SIAH3: variants seen among roughly 807,000 people sequenced by gnomAD.
SIAH3 encodes siah E3 ubiquitin protein ligase family member 3.
SIAH3 carries 9 observed loss-of-function variants against 12.6 expected under a neutral mutation model. The observed-to-expected ratio is 0.72, with a 90% CI of 0.43 to 1.25. SIAH3 has a LOEUF of 1.25. Ranked by LOEUF, SIAH3 falls within the 50% of genes most tolerant of loss-of-function variation. SIAH3 has a pLI of 0.00. For missense variants in SIAH3, 390 were observed against 365.4 expected, an observed-to-expected ratio of 1.07 and a Z score of -0.55; for synonymous variants, 154 against 151.1, an observed-to-expected ratio of 1.02 and a Z score of -0.14.
intron 1 of SIAH3, among the ~76,000 whole-genome samples, chr13:45,790,546 G>C (rs1950542719): frequency 6.6e-6 from 1 of 152,196 alleles, no homozygotes; most frequent in African/African-American, 2.4e-5. Context: ...AGCGTTAGCT[G>C]ATTTATCCAT....
At chr13:45,804,760 A>T (rs550937776) in intron 1 of SIAH3, among the ~76,000 whole-genome samples, 1 of 152,246 alleles carries the variant, frequency 6.6e-6, no homozygotes, top group African/African-American at 2.4e-5. Flanking sequence ...CCAAACAGGA[A>T]AATAAGTAGT....
chr13:45,797,484 T>C (rs894947577), intron 1 of SIAH3, among the ~76,000 whole-genome samples: 1 of 152,202 alleles, frequency 6.6e-6, no homozygotes, highest in African/African-American at 2.4e-5. Flanking sequence ...CACTTGATTT[T>C]CTGTCCTGCC....
At chr13:45,842,990 CAG>C (rs1950745507) in intron 1 of SIAH3, among the ~76,000 whole-genome samples, 2 of 145,858 alleles carry the variant, frequency 1.4e-5, no homozygotes, top group African/African-American at 4.9e-5. Context: ...AGGGCCCACA[CAG>C]GGGAGCATCT....
At chr13:45,787,925 C>T (rs948526719) in intron 1 of SIAH3, among the ~76,000 whole-genome samples, 8 of 152,220 alleles carry the variant, frequency 5.3e-5, no homozygotes, top group African/African-American at 9.6e-5. Context: ...ACCCCAGCAA[C>T]GGTCATTTCC....
intron 1 of SIAH3, among the ~76,000 whole-genome samples, chr13:45,812,788 G>T (rs1027638383): frequency 6.6e-6 from 1 of 152,188 alleles, no homozygotes; most frequent in Admixed American, 6.5e-5. Flanking sequence ...GAATTTCCTA[G>T]GATTTTTTGT....
At chr13:45,825,471 G>A (rs1950671082) in intron 1 of SIAH3, among the ~76,000 whole-genome samples, 1 of 152,216 alleles carries the variant, frequency 6.6e-6, no homozygotes. Flanking sequence ...CAAGCCAGGA[G>A]CGCAGCCCCC....
chr13:45,808,033 A>G (rs1174616843), intron 1 of SIAH3, among the ~76,000 whole-genome samples: 2 of 152,182 alleles, frequency 1.3e-5, no homozygotes, highest in Non-Finnish European at 2.9e-5. Context: ...ATCTGTATCT[A>G]TATGGTAGAA....
chr13:45,803,492 G>A (rs1435189717), intron 1 of SIAH3, among the ~76,000 whole-genome samples: 3 of 152,188 alleles, frequency 2.0e-5, no homozygotes, highest in South Asian at 2.1e-4. Flanking sequence ...AGAAAACTCT[G>A]GCCAAGGAAG....
intron 1 of SIAH3, among the ~76,000 whole-genome samples, chr13:45,793,889 T>C (rs1402493250): frequency 1.3e-5 from 2 of 152,216 alleles, no homozygotes; most frequent in African/African-American, 4.8e-5. Flanking sequence ...TTCTGTATTG[T>C]CCAGCTGGGC....
intron 1 of SIAH3, among the ~76,000 whole-genome samples, chr13:45,815,989 C>T (rs540570581): frequency 1.3e-5 from 2 of 152,346 alleles, no homozygotes; most frequent in African/African-American, 4.8e-5. Context: ...ATTTAATGCT[C>T]ATAGCTAAGC....
At chr13:45,818,403 A>G (rs571171576) in intron 1 of SIAH3, among the ~76,000 whole-genome samples, 1 of 152,358 alleles carries the variant, frequency 6.6e-6, no homozygotes, top group Admixed American at 6.5e-5. Flanking sequence ...TAAAGAGATC[A>G]TTGTTTTTCC....
intron 1 of SIAH3, among the ~76,000 whole-genome samples, chr13:45,827,696 C>T (rs1950683760): frequency 6.6e-6 from 1 of 152,212 alleles, no homozygotes; most frequent in Non-Finnish European, 1.5e-5. Context: ...CAATTCCTGG[C>T]TACATCAGGC....
intron 1 of SIAH3, among the ~76,000 whole-genome samples, chr13:45,790,102 C>T (rs1323913870): frequency 6.6e-6 from 1 of 152,098 alleles, no homozygotes; most frequent in Non-Finnish European, 1.5e-5. Context: ...GCTCTGATGC[C>T]ACTTCTTAAC....
intron 1 of SIAH3, among the ~76,000 whole-genome samples, chr13:45,805,011 A>ACACACACACACAC (rs1555257638): frequency 8.4e-6 from 1 of 118,652 alleles, no homozygotes; most frequent in South Asian, 3.0e-4. Flanking sequence ...CACACACACA[A>ACACACACACACAC]AATACTTTGG....
chr13:45,801,032 T>C (rs1019215586), intron 1 of SIAH3, among the ~76,000 whole-genome samples: 8 of 138,166 alleles, frequency 5.8e-5, no homozygotes, highest in African/African-American at 2.1e-4. Context: ...TCTACTAGGA[T>C]CCATCAGCAT....
intron 1 of SIAH3, among the ~76,000 whole-genome samples, chr13:45,828,481 C>A (rs1404131574): frequency 1.3e-5 from 2 of 152,188 alleles, no homozygotes; most frequent in African/African-American, 4.8e-5. Context: ...TTTGAAGTTG[C>A]ATTTTGGGAA....
chr13:45,807,736 G>A (rs2137561961), intron 1 of SIAH3, among the ~76,000 whole-genome samples: 1 of 152,272 alleles, frequency 6.6e-6, no homozygotes, highest in Middle Eastern at 3.4e-3. Flanking sequence ...GTGTCAATAT[G>A]GATGGATGAC....
chr13:45,838,885 G>A (rs1254188118), intron 1 of SIAH3, among the ~76,000 whole-genome samples: 2 of 151,842 alleles, frequency 1.3e-5, no homozygotes, highest in East Asian at 1.9e-4. Context: ...GCATCATCCC[G>A]CTTTCCTTCC....
chr13:45,795,660 T>C (rs1355560065), intron 1 of SIAH3, among the ~76,000 whole-genome samples: 1 of 152,200 alleles, frequency 6.6e-6, no homozygotes, highest in Non-Finnish European at 1.5e-5. Flanking sequence ...CCAGCATCCA[T>C]GAAACTGTGG....
Sources: allele counts gnomAD v4.1 joint callset (sites outside exome capture counted in the v4.1 genomes callset), GRCh38; gene constraint gnomAD v4.1.1; transcripts MANE v1.5; gene names NCBI Gene and HGNC (gene_info 2026-07-23, HGNC 2026-07-21).